The following YWHAZ variants were observed in gnomAD, a reference collection of about 807,000 sequenced individuals.
YWHAZ encodes the protein tyrosine 3-monooxygenase/tryptophan 5-monooxygenase activation protein zeta.
For missense variants in YWHAZ, 79 were observed against 284.8 expected, an observed-to-expected ratio of 0.28 and a Z score of 5.20; for synonymous variants, 87 against 103.6, an observed-to-expected ratio of 0.84 and a Z score of 0.97.
chr8:100,942,197 G>A (rs1381375332), intron 2 of YWHAZ, among the ~76,000 whole-genome samples: 1 of 152,120 alleles, frequency 6.6e-6, no homozygotes, highest in African/African-American at 2.4e-5. Context: ...CTGATATCAA[G>A]TCAGCTATAT....
intron 2 of YWHAZ, among the ~76,000 whole-genome samples, chr8:100,936,962 T>C (rs1485681968): frequency 2.0e-5 from 3 of 152,164 alleles, no homozygotes; most frequent in African/African-American, 4.8e-5. Context: ...AGGAGACATG[T>C]AAGCAAAATG....
At chr8:100,936,263 T>C (rs1031528578) in intron 2 of YWHAZ, among the ~76,000 whole-genome samples, 1 of 152,234 alleles carries the variant, frequency 6.6e-6, no homozygotes, top group South Asian at 2.1e-4. Flanking sequence ...TAAAAAGCAC[T>C]TTGGCAAAAT....
At chr8:100,952,205 G>T (rs1440837561), upstream of YWHAZ, 1 of 972,176 alleles carries the variant, frequency 1.0e-6, no homozygotes, top group African/African-American at 1.8e-5. Flanking sequence ...CGTCCTGCCC[G>T]CCCGCGCTGG....
intron 2 of YWHAZ, among the ~76,000 whole-genome samples, chr8:100,928,503 G>A (rs541239925): frequency 5.3e-5 from 8 of 152,166 alleles, no homozygotes; most frequent in African/African-American, 1.2e-4. Context: ...AGGCTGAGGC[G>A]GGTGGATCAC....
chr8:100,952,947 C>G, upstream of YWHAZ: 3 of 1,000,552 alleles, frequency 3.0e-6, no homozygotes, highest in Non-Finnish European at 3.6e-6. Context: ...GGGAGGCGTT[C>G]CAATCGAGAG....
chr8:100,928,694 T>C (rs1050736642), intron 2 of YWHAZ, among the ~76,000 whole-genome samples: 3 of 149,836 alleles, frequency 2.0e-5, no homozygotes, highest in South Asian at 2.1e-4. Context: ...GATTGCGCCA[T>C]TGCACTCCAG....
chr8:100,918,415 T>TAC lies in YWHAZ; in HGVS notation c.*2277_*2278insGT, dbSNP rs1812803397. On this transcript the variant is annotated 3_prime_UTR_variant, in exon 6 of 6. Coordinates refer to ENST00000395958, the MANE Select transcript of YWHAZ (RefSeq NM_145690.3). The stretch of plus-strand genomic sequence containing the variant: ...CTATAAAATATAATTACTTTATATA[T>TAC]ATATATATATATATATATATATATA... 5 of 60,270 alleles carry TAC rather than the reference T, an allele frequency of 8.3e-5. No individual in the cohort carries two copies. Among genetic ancestry groups the TAC allele is most frequent in the African/African-American group, 3.6e-4 (5 of 13,986 alleles). The allele number at this position is 60,270 out of a possible 1,614,324, so 3.7% of individuals were successfully genotyped here. A position where few individuals can be genotyped will look rare whatever the true frequency, so the allele number is the denominator to read the frequency against.
At position 100,948,172 on chromosome 8, in the gene YWHAZ, T is replaced by C; in HGVS notation, c.294+424A>G. 6.6e-7 allele frequency: 1 copy of C among 1,522,232 alleles called. No individual in the cohort carries two copies. Among genetic ancestry groups the C allele is most frequent in the Non-Finnish European group, 8.8e-7 (1 of 1,139,678 alleles). 94.3% of individuals were successfully genotyped at this position (1,522,232 alleles called of 1,614,324 possible). ...ACATTAACATTATAGCGGCTAATCCTGAGAAGAGTACTATTTCTACAATGA... is the reference window on the plus strand; with the variant it reads ...ACATTAACATTATAGCGGCTAATCCCGAGAAGAGTACTATTTCTACAATGA... On this transcript the variant is annotated intron_variant, in intron 2 of 5. Transcript: ENST00000395958. This position sits in a 1 kb window ranked among gnomAD's most constrained non-coding sequence, Gnocchi z 4.2.
At chr8:100,928,231 G>T (rs1813503183) in intron 2 of YWHAZ, among the ~76,000 whole-genome samples, 1 of 151,992 alleles carries the variant, frequency 6.6e-6, no homozygotes, top group East Asian at 1.9e-4. Flanking sequence ...AGTGAGCTGA[G>T]ATAGTGCCAC....
At chr8:100,921,908 A>G (rs974566995) in intron 5 of YWHAZ, among the ~76,000 whole-genome samples, 1 of 152,268 alleles carries the variant, frequency 6.6e-6, no homozygotes, top group African/African-American at 2.4e-5. Context: ...CTTACACATG[A>G]AAACGGAGGG....
chr8:100,946,541 A>G (rs1810285052), intron 2 of YWHAZ, among the ~76,000 whole-genome samples: 1 of 152,060 alleles, frequency 6.6e-6, no homozygotes, highest in South Asian at 2.1e-4. Flanking sequence ...ACAAGAGCAA[A>G]ACTCAGTCTC....
intron 2 of YWHAZ, among the ~76,000 whole-genome samples, chr8:100,930,780 G>A (rs1813707317): frequency 6.6e-6 from 1 of 152,046 alleles, no homozygotes; most frequent in Admixed American, 6.6e-5. Flanking sequence ...TTTCATGACA[G>A]CCACTGTCTT....
At chr8:100,951,092 C>T (rs1430286991) in intron 1 of YWHAZ, 23 of 900,622 alleles carry the variant, frequency 2.6e-5, no homozygotes, top group Non-Finnish European at 2.9e-5. Context: ...ACCCATCCCC[C>T]ACCCCCACCA....
chr8:100,924,426 G>A lies in YWHAZ; in HGVS notation c.419-128C>T. ...TGTAACAGCTTAATATTTGTTAATT[G>A]AACAAGGTCCTTTTTTTTTTTTAAA... On this transcript the variant is annotated intron_variant, in intron 3 of 5. Coordinates refer to ENST00000395958, the MANE Select transcript of YWHAZ (RefSeq NM_145690.3). The surrounding 1 kb of genome is among the most constrained non-coding windows in gnomAD (Gnocchi z 5.7). 1.1e-6 allele frequency: 1 copy of A among 937,480 alleles called. No individual in the cohort carries two copies. Among genetic ancestry groups the A allele is most frequent in the East Asian group, 2.7e-5 (1 of 36,946 alleles). 58.1% of individuals were successfully genotyped at this position (937,480 alleles called of 1,614,324 possible). A position where few individuals can be genotyped will look rare whatever the true frequency, so the allele number is the denominator to read the frequency against.
chr8:100,952,985 G>T, upstream of YWHAZ: 1 of 1,000,768 alleles, frequency 1.0e-6, no homozygotes, highest in Non-Finnish European at 1.2e-6. Context: ...GTGACTGCGC[G>T]AGGGGACAAT....
At chr8:100,944,120 T>A (rs1810092114) in intron 2 of YWHAZ, among the ~76,000 whole-genome samples, 1 of 152,140 alleles carries the variant, frequency 6.6e-6, no homozygotes, top group Non-Finnish European at 1.5e-5. Flanking sequence ...ATACAGTATA[T>A]CTTAATAAAA....
In YWHAZ at chr8:100,927,297, A is replaced by G. The variant is rs1586096436; in HGVS notation, c.295-2258T>C. Among the ~76,000 whole-genome samples the G allele has an allele frequency of 3.9e-5, 6 of 152,154 alleles. 1 individual carries two copies. The South Asian group carries it at 1.2e-3, about 32-fold the overall frequency. ...CAACACTTTGGGAGGCTGAGGTGGG[A>G]GGATCACTTCTTGAGTCCAGGAGTT... On this transcript the variant is annotated intron_variant, in intron 2 of 5. Coordinates refer to ENST00000395958, the MANE Select transcript of YWHAZ (RefSeq NM_145690.3).
Position 100,944,055 on chromosome 8 carries a change from A to C in YWHAZ, c.294+4541T>G, listed in dbSNP as rs146079995. ...CCAATTTTTTCCTTCCTGAGACCACAGAACTGGGATTATTTATACTTTGAA... is the reference window on the plus strand; with the variant it reads ...CCAATTTTTTCCTTCCTGAGACCACCGAACTGGGATTATTTATACTTTGAA... On this transcript the variant is annotated intron_variant, in intron 2 of 5. Transcript: ENST00000395958. Among the ~76,000 whole-genome samples, 1,446 of 152,248 alleles carry C rather than the reference A, an allele frequency of 9.5e-3. 21 individuals carry two copies. The highest frequency in any genetic ancestry group is 0.032 in the African/African-American group (1,321 of 41,540).
At chr8:100,952,241 T>G, upstream of YWHAZ, 1 of 804,628 alleles carries the variant, frequency 1.2e-6, no homozygotes, top group African/African-American at 1.9e-5. Flanking sequence ...GCGCGCGTCC[T>G]CGCCCGCAGC....
Sources: gnomAD v4.1 joint callset for allele counts (sites outside exome capture counted in the v4.1 genomes callset) on GRCh38, gnomAD v4.1.1 for gene constraint, Gnocchi (gnomAD v3.1) non-coding constraint, MANE v1.5 for transcripts, NCBI Gene and HGNC (gene_info 2026-07-23, HGNC 2026-07-21) for gene names.